DDHD2: variants seen among roughly 807,000 people sequenced by gnomAD.
The protein encoded by DDHD2 is DDHD domain containing 2, also known as triacylglycerol hydrolase DDHD2.
In DDHD2, 62 loss-of-function variants were observed where a neutral mutation model predicts 91.2. That is an observed-to-expected ratio of 0.68 (90% confidence interval 0.55 to 0.84). The LOEUF (loss-of-function observed/expected upper bound fraction) is 0.84. DDHD2 is among the 40% of genes least tolerant of loss of function. The pLI is 0.00. For synonymous variants in DDHD2, 271 were observed against 293.9 expected, an observed-to-expected ratio of 0.92 and a Z score of 0.80; for missense variants, 740 against 846.9, an observed-to-expected ratio of 0.87 and a Z score of 1.57.
chr8:38,246,283 G>C lies in DDHD2; in HGVS notation c.1108G>C (p.Asp370His). 1 of 1,608,592 alleles carries C rather than the reference G, an allele frequency of 6.2e-7. No individual in the cohort carries two copies. The highest frequency in any genetic ancestry group is 8.5e-7 in the Non-Finnish European group (1 of 1,175,796). The change falls in exon 9 of 18, where the codon GAT becomes CAT. Residue 370 changes from aspartate to histidine, a missense_variant. By Grantham distance (81) the Asp-to-His change is moderately conservative. Coordinates refer to ENST00000397166, the MANE Select transcript of DDHD2 (RefSeq NM_015214.3). ...ILTNQKDSLG[D>H]IDSEKDSLNI... is the part of the protein sequence containing the mutation. Reference sequence around the variant, plus strand: ...AACAAATCAGAAAGATTCTTTGGGGGATATTGACAGTGAAAAGGTAATTTA... The same window carrying C: ...AACAAATCAGAAAGATTCTTTGGGGCATATTGACAGTGAAAAGGTAATTTA...
chr8:38,248,728 C>T (rs1452775026), intron 10 of DDHD2, among the ~76,000 whole-genome samples: 5 of 151,798 alleles, frequency 3.3e-5, no homozygotes, highest in African/African-American at 7.3e-5. Context: ...GGGCAGATCA[C>T]GAGGTCAGGA....
At chr8:38,267,837 C>T in intron 1 of DDHD2, 3 of 1,507,012 alleles carry the variant, frequency 2.0e-6, no homozygotes, top group Non-Finnish European at 2.8e-6. Context: ...CCATTAACCT[C>T]TCTGTTCTGG....
downstream of DDHD2, chr8:38,267,432 C>A (rs1359822492): frequency 6.2e-7 from 1 of 1,600,108 alleles, no homozygotes; most frequent in Admixed American, 1.7e-5. Context: ...ATCATTAACT[C>A]CAGAAATTAT....
chr8:38,268,809 G>A, intron 1 of DDHD2: 1 of 1,454,836 alleles, frequency 6.9e-7, no homozygotes, highest in Non-Finnish European at 9.1e-7. Context: ...GCCGTCTCGG[G>A]GTGGAAAACG....
rs1358974103 is a variant in DDHD2 at position 38,262,130 on chromosome 8, C to G, written c.*1557C>G. 6.6e-6 allele frequency: 1 copy of G among 152,038 alleles called. No homozygotes were observed. The highest frequency in any genetic ancestry group is 1.5e-5 in the Non-Finnish European group (1 of 68,020). The allele number at this position is 152,038 out of a possible 1,614,324, so 9.4% of individuals were successfully genotyped here. A position where few individuals can be genotyped will look rare whatever the true frequency, so the allele number is the denominator to read the frequency against. Reference sequence around the variant, plus strand: ...TTTGTCATCTGCTTATAGTCTAGTGCTAAGTATGCCACTAAGTTTCAGATA... The same window carrying G: ...TTTGTCATCTGCTTATAGTCTAGTGGTAAGTATGCCACTAAGTTTCAGATA... On this transcript the variant is annotated 3_prime_UTR_variant, in exon 18 of 18. Transcript: ENST00000397166.
intron 5 of DDHD2, chr8:38,238,966 A>G (rs1464838270): frequency 1.3e-5 from 2 of 152,434 alleles, no homozygotes; most frequent in South Asian, 4.1e-4. Context: ...CACACAGAGA[A>G]TCATAAAGCA....
chr8:38,243,218 T>C (rs1024869298), intron 7 of DDHD2, among the ~76,000 whole-genome samples: 1 of 152,220 alleles, frequency 6.6e-6, no homozygotes, highest in South Asian at 2.1e-4. Context: ...GGAATCTTTC[T>C]GGGAATTTTA....
At chr8:38,236,202 C>T (rs1326824150) in intron 3 of DDHD2, among the ~76,000 whole-genome samples, 3 of 151,028 alleles carry the variant, frequency 2.0e-5, no homozygotes, top group East Asian at 3.9e-4. Flanking sequence ...TTAGTAGAGA[C>T]GGGGTTTCAC....
At chr8:38,241,664 C>T (rs1462790175) in intron 6 of DDHD2, among the ~76,000 whole-genome samples, 1 of 151,910 alleles carries the variant, frequency 6.6e-6, no homozygotes, top group African/African-American at 2.4e-5. Flanking sequence ...TAAAATCCAC[C>T]TGCCTTGGCC....
intron 2 of DDHD2, among the ~76,000 whole-genome samples, 179 bp downstream of exon 2, chr8:38,233,393 G>T (rs938166941): frequency 6.6e-6 from 1 of 152,004 alleles, no homozygotes; most frequent in Non-Finnish European, 1.5e-5. Flanking sequence ...TAATATTCAA[G>T]AATTTGGTCT....
chr8:38,240,601 A>G (rs1805174746), intron 6 of DDHD2, among the ~76,000 whole-genome samples: 1 of 152,214 alleles, frequency 6.6e-6, no homozygotes, highest in Admixed American at 6.5e-5. Flanking sequence ...ATCCCTATAA[A>G]ATTGTGTTTT....
chr8:38,246,300 G>T lies in DDHD2; in HGVS notation c.1125G>T (p.Lys375Asn). 1 of 1,602,880 alleles carries T rather than the reference G, an allele frequency of 6.2e-7. No individual in the cohort carries two copies. The highest frequency in any genetic ancestry group is 8.5e-7 in the Non-Finnish European group (1 of 1,171,508). ...CTTTGGGGGATATTGACAGTGAAAA[G>T]GTAATTTAGATGTTCAGCTAGGTTT... ...KDSLGDIDSE[K>N]DSLNIVMDQG... The change falls in exon 9 of 18, where the codon AAG becomes AAT. Residue 375 changes from lysine (K) to asparagine (N), a missense_variant and splice_region_variant. This residue lies in a region of DDHD2 where 693 missense variants were observed against 764.2 expected (regional missense o/e 0.91). Coordinates refer to ENST00000397166, the MANE Select transcript of DDHD2 (RefSeq NM_015214.3).
At chr8:38,239,798 C>G (rs1192785502) in intron 5 of DDHD2, among the ~76,000 whole-genome samples, 7 of 146,958 alleles carry the variant, frequency 4.8e-5, no homozygotes, top group Admixed American at 4.7e-4. Flanking sequence ...TCTCGGCTCA[C>G]TGCAACCTCT....
chr8:38,240,221 T>C (rs909546181), intron 5 of DDHD2, 54 bp from the exon 6 acceptor site: 1 of 1,069,324 alleles, frequency 9.4e-7, no homozygotes, highest in East Asian at 2.6e-5. Context: ...ATGAATGATA[T>C]TAGAATACAT....
At chr8:38,266,167 G>T, downstream of DDHD2, 1 of 1,614,104 alleles carries the variant, frequency 6.2e-7, no homozygotes, top group Non-Finnish European at 8.5e-7. Context: ...GTAGTCACAT[G>T]TGCGGGACAG....
In DDHD2 at chr8:38,247,637, A is replaced by G. The variant is rs947241015; in HGVS notation, c.1126-76A>G. Reference sequence around the variant, plus strand: ...GATACATTGCTGTGGAAATCTATGTATTTCTTTACTGCAAAATAGTATTAA... The same window carrying G: ...GATACATTGCTGTGGAAATCTATGTGTTTCTTTACTGCAAAATAGTATTAA... On this transcript the variant is annotated intron_variant, in intron 9 of 17. Coordinates refer to ENST00000397166, the MANE Select transcript of DDHD2 (RefSeq NM_015214.3). 4 of 929,392 alleles carry G rather than the reference A, an allele frequency of 4.3e-6. No homozygotes were observed. The Admixed American group carries it at 8.9e-5, about 21-fold the overall frequency. 57.6% of individuals were successfully genotyped at this position (929,392 alleles called of 1,614,324 possible).
Position 38,252,274 on chromosome 8 carries a change from A to G in DDHD2, c.1604A>G (p.Asn535Ser), listed in dbSNP as rs777500657. ...TTTCCAACGTGCAAAGGTTTCTTCA[A>G]TATTTATCACCCTGTAAGCATTGTA... ...YRFPTCKGFF[N>S]IYHPFDPVAY... Residue 535 changes from asparagine (N) to serine (S), a missense_variant, in exon 13 of 18, where the codon AAT (asparagine) becomes AGT (serine). Around this residue, in one of 2 missense-constraint regions of DDHD2, gnomAD observed 693 missense variants for 764.2 expected, o/e 0.91. Coordinates refer to ENST00000397166, the MANE Select transcript of DDHD2 (RefSeq NM_015214.3). 7 of 1,613,314 alleles carry G rather than the reference A, an allele frequency of 4.3e-6. No individual in the cohort carries two copies. The highest frequency in any genetic ancestry group is 5.9e-6 in the Non-Finnish European group (7 of 1,179,736).
chr8:38,235,293 G>A lies in DDHD2; in HGVS notation c.411+709G>A, dbSNP rs1331840801. Among the ~76,000 whole-genome samples the A allele has an allele frequency of 2.0e-5, 3 of 151,978 alleles. No homozygotes were observed. In the East Asian group the frequency reaches 5.9e-4, roughly 30 times the overall value. ...TCACCATGTTGGCTAGGCTTGTCTC[G>A]AACTCCTGACCTCAAATGATCTGCT... On this transcript the variant is annotated intron_variant, in intron 3 of 17. Transcript: ENST00000397166.
downstream of DDHD2, chr8:38,266,246 G>A (rs139454202): frequency 5.6e-6 from 9 of 1,613,808 alleles, no homozygotes; most frequent in Non-Finnish European, 7.6e-6. Flanking sequence ...CCACGGCCTT[G>A]TGGTGTGAAG....
Sources: gnomAD v4.1 joint callset for allele counts (sites outside exome capture counted in the v4.1 genomes callset) on GRCh38, gnomAD v4.1.1 for gene constraint, gnomAD v4.1.1 regional missense constraint, MANE v1.5 for transcripts, NCBI Gene and HGNC (gene_info 2026-07-23, HGNC 2026-07-21) for gene names.